Variants in SENP6 observed in about 807,000 individuals in gnomAD.
SENP6 encodes SUMO specific peptidase 6, also known as sentrin-specific protease 6.
Under a neutral mutation model 134.5 loss-of-function variants are expected in SENP6, and 41 were observed. The observed-to-expected ratio is 0.30, with a 90% CI of 0.24 to 0.40. SENP6 has a LOEUF of 0.40. Ranked by LOEUF, SENP6 falls within the 10% of genes least tolerant of loss-of-function variation. The pLI is 1.00. For synonymous variants in SENP6, 395 were observed against 429.8 expected (o/e 0.92, Z 1.00); for missense variants, 1,248 against 1,312.5 (o/e 0.95, Z 0.76).
intron 16 of SENP6, among the ~76,000 whole-genome samples, chr6:75,686,492 G>A (rs1314023463): frequency 7.9e-5 from 12 of 152,200 alleles, no homozygotes; most frequent in Non-Finnish European, 1.2e-4. Context: ...TCATAGCATC[G>A]ATGGTCTTTA....
At chr6:75,667,510 C>A (rs17499531) in intron 10 of SENP6, among the ~76,000 whole-genome samples, 37,096 of 151,788 alleles carry the variant, frequency 0.24, 5,906 homozygotes, top group Non-Finnish European at 0.37. Context: ...ATGAAAAGTG[C>A]AAATTAAGGA....
chr6:75,648,004 G>T (rs1770590201), intron 7 of SENP6, among the ~76,000 whole-genome samples: 1 of 152,164 alleles, frequency 6.6e-6, no homozygotes, highest in Non-Finnish European at 1.5e-5. Flanking sequence ...ATTACAGTTT[G>T]AAATCTTTTG....
rs1441035197 is a variant in SENP6 at position 75,663,829 on chromosome 6, G to A, written c.994+311G>A. Among the ~76,000 whole-genome samples the A allele has an allele frequency of 3.4e-5, 5 of 147,650 alleles. No individual in the cohort carries two copies. In the South Asian group the frequency reaches 1.1e-3, roughly 32 times the overall value. ...GTGGGTTTTTTTTTTTGTGGGGGGG[G>A]GGGTGCCTAAAATAACATAAAGTAT... On this transcript the variant is annotated intron_variant, in intron 9 of 23. Coordinates refer to ENST00000447266, the MANE Select transcript of SENP6 (RefSeq NM_015571.4).
chr6:75,609,870 C>G (rs986038865), intron 1 of SENP6, among the ~76,000 whole-genome samples: 4 of 152,110 alleles, frequency 2.6e-5, no homozygotes, highest in African/African-American at 9.7e-5. Context: ...TGACTGCAAC[C>G]TCTGCCTTCC....
intron 16 of SENP6, among the ~76,000 whole-genome samples, chr6:75,692,424 A>G (rs1774341276): frequency 6.6e-6 from 1 of 151,904 alleles, no homozygotes. Context: ...GTTCAAGACC[A>G]TATTGGGCAA....
In SENP6 at chr6:75,715,550, T is replaced by G; in HGVS notation, c.3295T>G (p.Leu1099Val). 6.2e-7 allele frequency: 1 copy of G among 1,613,200 alleles called. No homozygotes were observed. The highest frequency in any genetic ancestry group is 8.5e-7 in the Non-Finnish European group (1 of 1,179,386). ...GGACACTTACTCAACAGAAGCACCTTTAGGCGAAGGAACAGAACAATATGT... is the reference window on the plus strand; with the variant it reads ...GGACACTTACTCAACAGAAGCACCTGTAGGCGAAGGAACAGAACAATATGT... ...HKDTYSTEAP[L>V]GEGTEQYVNS... The change falls in exon 24 of 24, where the codon TTA becomes GTA. Residue 1099 changes from leucine to valine, a missense_variant. Leu to Val is a conservative substitution (Grantham distance 32, BLOSUM62 1). This residue lies in a region of SENP6 where 386 missense variants were observed against 395.0 expected (regional missense o/e 0.98). Coordinates refer to ENST00000447266, the MANE Select transcript of SENP6 (RefSeq NM_015571.4).
rs543530364 is a variant in SENP6, at chr6:75,695,717, A to G, written c.2076-87A>G. The G allele has an allele frequency of 1.2e-5, 14 of 1,125,248 alleles. No individual in the cohort carries two copies. The East Asian group carries it at 3.5e-4, about 28-fold the overall frequency. The allele number at this position is 1,125,248 out of a possible 1,614,324, so 69.7% of individuals were successfully genotyped here. On this transcript the variant is annotated intron_variant, in intron 16 of 23. Transcript: ENST00000447266. ...GCTCCACTGCACTCCAGCCTGGGCA[A>G]CAGAGTGAGACTCTGTCTCAAAAAA...
At chr6:75,619,002 G>A (rs973115565) in intron 1 of SENP6, among the ~76,000 whole-genome samples, 1 of 131,910 alleles carries the variant, frequency 7.6e-6, no homozygotes, top group Non-Finnish European at 1.6e-5. Flanking sequence ...GTTTGCTTGT[G>A]TTAGTCACTT....
chr6:75,704,769 C>T (rs1775277687), intron 19 of SENP6, among the ~76,000 whole-genome samples: 1 of 152,312 alleles, frequency 6.6e-6, no homozygotes, highest in Non-Finnish European at 1.5e-5. Flanking sequence ...GGGCAGAGGT[C>T]CCTGCGGCTT....
intron 1 of SENP6, among the ~76,000 whole-genome samples, chr6:75,609,569 A>AT (rs1187601974): frequency 1.3e-5 from 2 of 152,060 alleles, no homozygotes; most frequent in Non-Finnish European, 2.9e-5. Context: ...CCTACCTGGT[A>AT]TTTTTTCCCC....
Position 75,602,188 on chromosome 6 carries a change from A to T in SENP6, c.-337A>T, listed in dbSNP as rs1657631211. 3.9e-6 allele frequency: 1 copy of T among 259,686 alleles called. No homozygotes were observed. The highest frequency in any genetic ancestry group is 7.2e-6 in the Non-Finnish European group (1 of 138,362). The allele number at this position is 259,686 out of a possible 1,614,324, so 16.1% of individuals were successfully genotyped here. On this transcript the variant is annotated 5_prime_UTR_variant, in exon 1 of 24. Transcript: ENST00000447266. ...AACCCACGGCTGGGGGAAGTTTCTC[A>T]GGCAGCCTGGGTGGGCGGTGGATGG...
At chr6:75,672,770 ATAATT>A (rs1350786049) in intron 11 of SENP6, among the ~76,000 whole-genome samples, 1 of 152,182 alleles carries the variant, frequency 6.6e-6, no homozygotes, top group Non-Finnish European at 1.5e-5. Flanking sequence ...TTATTATTAG[ATAATT>A]TAATCATTTT....
intron 22 of SENP6, 31 bp from the exon 23 acceptor site, chr6:75,713,644 G>T (rs936216247): frequency 1.9e-6 from 3 of 1,583,724 alleles, no homozygotes; most frequent in Admixed American, 1.7e-5. Context: ...TTATATATGT[G>T]TGTATTCTTA....
chr6:75,663,101 T>C (rs1771907063), intron 8 of SENP6, 120 bp from the exon 9 acceptor site: 4 of 963,958 alleles, frequency 4.1e-6, no homozygotes, highest in Non-Finnish European at 6.2e-6. Flanking sequence ...AATGCCAAAA[T>C]CTTTTATTTC....
At chr6:75,665,572 A>G (rs1772137791) in intron 9 of SENP6, among the ~76,000 whole-genome samples, 1 of 152,226 alleles carries the variant, frequency 6.6e-6, no homozygotes, top group African/African-American at 2.4e-5. Flanking sequence ...TAGATTTGCT[A>G]CGATTCAGTA....
intron 16 of SENP6, among the ~76,000 whole-genome samples, chr6:75,681,521 C>T (rs576288650): frequency 2.0e-5 from 3 of 151,482 alleles, no homozygotes; most frequent in East Asian, 3.9e-4. Context: ...TGCAGTGGCG[C>T]GATCTTGGCC....
rs181706292 is a variant in SENP6 at position 75,665,057 on chromosome 6, C to T, written c.994+1539C>T. Among the ~76,000 whole-genome samples the T allele has an allele frequency of 7.4e-4, 113 of 152,266 alleles. 2 individuals carry two copies. In the East Asian group the frequency reaches 0.021, roughly 29 times the overall value. ...ATCCCAGCACTTTGGGAGGCTGAGG[C>T]GGGCGGATCACGAGGTCAGGAGATC... On this transcript the variant is annotated intron_variant, in intron 9 of 23. Transcript: ENST00000447266.
At chr6:75,698,199 G>C (rs1287817960) in intron 18 of SENP6, among the ~76,000 whole-genome samples, 1 of 152,206 alleles carries the variant, frequency 6.6e-6, no homozygotes, top group Non-Finnish European at 1.5e-5. Flanking sequence ...TCAATAAAAG[G>C]ATGTTTCAAA....
chr6:75,698,746 C>G (rs1395270642), intron 18 of SENP6, among the ~76,000 whole-genome samples: 1 of 152,154 alleles, frequency 6.6e-6, no homozygotes, highest in Non-Finnish European at 1.5e-5. Flanking sequence ...CGTGGTGGCT[C>G]ACGCCTGTAA....
Sources: gnomAD v4.1 joint callset for allele counts (sites outside exome capture counted in the v4.1 genomes callset) on GRCh38, gnomAD v4.1.1 for gene constraint, gnomAD v4.1.1 regional missense constraint, MANE v1.5 for transcripts, NCBI Gene and HGNC (gene_info 2026-07-23, HGNC 2026-07-21) for gene names.